The following FGF9 variants were observed in gnomAD, a reference collection of about 807,000 sequenced individuals.
The protein encoded by FGF9 is fibroblast growth factor 9.
A neutral mutation model predicts 19.9 loss-of-function variants in FGF9; 3 were observed. The observed-to-expected ratio is 0.15, with a 90% CI of 0.07 to 0.39. The LOEUF (loss-of-function observed/expected upper bound fraction) is 0.39. FGF9 is among the 10% of genes least tolerant of loss of function. The probability of loss-of-function intolerance (pLI) is 1.00; values close to 1 mark genes in which losing one functional copy is unlikely to be tolerated. For synonymous variants in FGF9, 107 were observed against 106.9 expected, an observed-to-expected ratio of 1.00 and a Z score of -0.01; for missense variants, 175 against 256.8, an observed-to-expected ratio of 0.68 and a Z score of 2.18.
chr13:21,672,423 T>C lies in FGF9; in HGVS notation c.277+234T>C, dbSNP rs1200999054. 6.6e-6 allele frequency among the ~76,000 whole-genome samples: 1 copy of C among 152,210 alleles called. No homozygotes were observed. Among genetic ancestry groups the C allele is most frequent in the Non-Finnish European group, 1.5e-5 (1 of 68,042 alleles). On this transcript the variant is annotated intron_variant, in intron 1 of 2. Transcript: ENST00000382353. The surrounding 1 kb of genome is among the most constrained non-coding windows in gnomAD (Gnocchi z 4.2). Reference sequence around the variant, plus strand: ...GTATACACTGAAAGGCCCCCTACTTTTAATTTAAAGGGGGGCATAATTTAT... The same window carrying C: ...GTATACACTGAAAGGCCCCCTACTTCTAATTTAAAGGGGGGCATAATTTAT...
chr13:21,684,778 A>G (rs148345616), intron 2 of FGF9, among the ~76,000 whole-genome samples: 51 of 152,238 alleles, frequency 3.4e-4, no homozygotes, highest in African/African-American at 1.2e-3. Flanking sequence ...CTGTAGTTTG[A>G]ATTTCTCAGC....
At chr13:21,699,496 T>C (rs1872490475) in intron 2 of FGF9, among the ~76,000 whole-genome samples, 1 of 152,122 alleles carries the variant, frequency 6.6e-6, no homozygotes, top group Admixed American at 6.5e-5. Context: ...TTGAGTGTGG[T>C]TTAAGCCTTT....
At position 21,701,229 on chromosome 13, in the gene FGF9, G is replaced by GAAGAAAACTGGTATAATACGT; in HGVS notation, c.423_443dup (p.Thr147_Tyr148insTer). 6.2e-7 allele frequency: 1 copy of GAAGAAAACTGGTATAATACGT among 1,613,592 alleles called. No homozygotes were observed. Among genetic ancestry groups the GAAGAAAACTGGTATAATACGT allele is most frequent in the East Asian group, 2.2e-5 (1 of 44,860 alleles). Reference sequence around the variant, plus strand: ...AGAGTGTGTATTCAGAGAACAGTTCGAAGAAAACTGGTATAATACGTACTC... The same window carrying GAAGAAAACTGGTATAATACGT: ...AGAGTGTGTATTCAGAGAACAGTTCGAAGAAAACTGGTATAATACGTAAGAAAACTGGTATAATACGTACTC... On this transcript the variant is annotated stop_gained and inframe_insertion, in exon 3 of 3. Transcript: ENST00000382353. LOFTEE classifies it high-confidence loss of function.
chr13:21,690,453 C>T (rs1161024261), intron 2 of FGF9, among the ~76,000 whole-genome samples: 1 of 152,180 alleles, frequency 6.6e-6, no homozygotes, highest in Non-Finnish European at 1.5e-5. Context: ...CACACACCCT[C>T]ATACTCATGC....
chr13:21,692,050 C>G (rs891713078), intron 2 of FGF9, among the ~76,000 whole-genome samples: 2 of 151,772 alleles, frequency 1.3e-5, no homozygotes, highest in Non-Finnish European at 2.9e-5. Context: ...ATGAAGTGCC[C>G]AAAGCTTAAA....
At chr13:21,673,661 C>CA (rs1871827285) in intron 1 of FGF9, among the ~76,000 whole-genome samples, 1 of 152,130 alleles carries the variant, frequency 6.6e-6, no homozygotes, top group Admixed American at 6.5e-5. Context: ...GCCACCCTGC[C>CA]TAGCGTTCGA....
chr13:21,699,677 C>T (rs1336970465), intron 2 of FGF9, among the ~76,000 whole-genome samples: 1 of 152,096 alleles, frequency 6.6e-6, no homozygotes, highest in Non-Finnish European at 1.5e-5. Context: ...TAAATTGGGT[C>T]CTTAACTACA....
intron 2 of FGF9, among the ~76,000 whole-genome samples, chr13:21,681,417 C>T (rs548618900): frequency 2.5e-4 from 38 of 152,228 alleles, no homozygotes; most frequent in South Asian, 8.3e-4. Flanking sequence ...TGTGAAAAAT[C>T]CCATCTCTTT....
In FGF9 at chr13:21,693,234, A is replaced by G. The variant is rs1234088441; in HGVS notation, c.382-7956A>G. 2.0e-5 allele frequency among the ~76,000 whole-genome samples: 3 copies of G among 152,200 alleles called. No homozygotes were observed. The East Asian group carries it at 5.8e-4, about 29-fold the overall frequency. ...TAATCTATCAAAAGGTGGTGTCAGC[A>G]TAAGGGATGAGTTCCCGAGAAATCG... On this transcript the variant is annotated intron_variant, in intron 2 of 2. Transcript: ENST00000382353.
rs941889451 is a variant in FGF9 at position 21,700,953 on chromosome 13, C to T, written c.382-237C>T. 7.9e-5 allele frequency among the ~76,000 whole-genome samples: 12 copies of T among 152,070 alleles called. 1 individual carries two copies. The highest frequency in any genetic ancestry group is 4.8e-5 in the African/African-American group (2 of 41,402). ...TCATGGGGGTTATATTGTGTAGCAA[C>T]GGAATGTTACTTTTAATATTGAATG... On this transcript the variant is annotated intron_variant, in intron 2 of 2. Coordinates refer to ENST00000382353, the MANE Select transcript of FGF9 (RefSeq NM_002010.3).
chr13:21,675,729 C>T (rs1871900460), intron 1 of FGF9, among the ~76,000 whole-genome samples: 1 of 152,158 alleles, frequency 6.6e-6, no homozygotes, highest in South Asian at 2.1e-4. Flanking sequence ...CATTTTCTAC[C>T]TGAAATCAAA....
At chr13:21,695,434 G>C (rs1872385703) in intron 2 of FGF9, among the ~76,000 whole-genome samples, 1 of 152,006 alleles carries the variant, frequency 6.6e-6, no homozygotes, top group African/African-American at 2.4e-5. Context: ...GGGGAATTTA[G>C]AGGTTTTGGA....
chr13:21,695,234 G>A (rs1446160620), intron 2 of FGF9, among the ~76,000 whole-genome samples: 1 of 152,100 alleles, frequency 6.6e-6, no homozygotes, highest in East Asian at 1.9e-4. Context: ...AGGTGGAGGA[G>A]GAGTGGAGAG....
intron 2 of FGF9, among the ~76,000 whole-genome samples, chr13:21,684,311 T>G (rs1593094137): frequency 6.6e-6 from 1 of 152,276 alleles, no homozygotes; most frequent in East Asian, 1.9e-4. Context: ...CTAATGTATC[T>G]AAAGGGCATG....
intron 1 of FGF9, among the ~76,000 whole-genome samples, chr13:21,679,284 AAGAAAT>A (rs1871984955): frequency 6.6e-6 from 1 of 152,224 alleles, no homozygotes; most frequent in African/African-American, 2.4e-5. Context: ...GCCCCTTTAG[AAGAAAT>A]AGCTCTTCTT....
intron 1 of FGF9, among the ~76,000 whole-genome samples, chr13:21,678,722 G>A (rs768681979): frequency 6.6e-6 from 1 of 152,120 alleles, no homozygotes; most frequent in Non-Finnish European, 1.5e-5. Context: ...TCCCTTAGAA[G>A]CTGCAAATAT....
Position 21,672,505 on chromosome 13 carries a change from C to A in FGF9, c.277+316C>A, listed in dbSNP as rs148677885. ...TCAGATACACGGGTTTAGGAAGTTT[C>A]TTTTGAATGGACTGATTGCACGAGT... On this transcript the variant is annotated intron_variant, in intron 1 of 2. Transcript: ENST00000382353. The surrounding 1 kb of genome is among the most constrained non-coding windows in gnomAD (Gnocchi z 4.2). Among the ~76,000 whole-genome samples the A allele has an allele frequency of 1.2e-3, 176 of 152,324 alleles. 2 individuals are homozygous for A. The East Asian group carries it at 0.025, about 22-fold the overall frequency.
intron 2 of FGF9, among the ~76,000 whole-genome samples, chr13:21,690,201 ACT>A: frequency 6.6e-6 from 1 of 151,584 alleles, no homozygotes; most frequent in Non-Finnish European, 1.5e-5. Context: ...ACACTCACAC[ACT>A]CTTCCATCCA....
At chr13:21,679,887 G>T (rs1345487352) in intron 1 of FGF9, among the ~76,000 whole-genome samples, 1 of 150,692 alleles carries the variant, frequency 6.6e-6, no homozygotes, top group African/African-American at 2.4e-5. Context: ...AATCCGGGAG[G>T]CGGAGCTTGC....
Sources: gnomAD v4.1 joint callset for allele counts (sites outside exome capture counted in the v4.1 genomes callset) on GRCh38, gnomAD v4.1.1 for gene constraint, Gnocchi (gnomAD v3.1) non-coding constraint, MANE v1.5 for transcripts, NCBI Gene and HGNC (gene_info 2026-07-23, HGNC 2026-07-21) for gene names.